The following HLA-DQA2 variants were observed in gnomAD, a reference collection of about 807,000 sequenced individuals.
The protein encoded by HLA-DQA2 is HLA class II histocompatibility antigen, DQ alpha 2 chain.
HLA-DQA2 carries 17 observed loss-of-function variants against 21.0 expected under a neutral mutation model. The ratio of observed to expected loss-of-function variants is 0.81; its 90% CI spans 0.56 to 1.22. The LOEUF is 1.22. HLA-DQA2 is among the 50% of genes most tolerant of loss of function. The probability of loss-of-function intolerance (pLI) is 0.00; values close to 1 mark genes in which losing one functional copy is unlikely to be tolerated. For missense variants in HLA-DQA2, 239 were observed against 308.8 expected (o/e 0.77, Z 1.69); for synonymous variants, 81 against 116.5 (o/e 0.70, Z 1.96).
chr6:32,745,896 C>T lies in HLA-DQA2; in HGVS notation c.437C>T (p.Thr146Ile), dbSNP rs755273163. ...ATCTTTCCTCCTGTGGTCAACATCA[C>T]CTGGCTGAGCAATGGGCACTCAGTC... ...DNIFPPVVNI[T>I]WLSNGHSVTE... Residue 146 changes from threonine (T) to isoleucine (I), a missense_variant, in exon 3 of 5, where the codon ACC becomes ATC. Thr to Ile is a moderately conservative substitution (Grantham distance 89). Transcript: ENST00000374940. 2 of 1,613,178 alleles carry T rather than the reference C, an allele frequency of 1.2e-6. No homozygotes were observed. The highest frequency in any genetic ancestry group is 1.7e-6 in the Non-Finnish European group (2 of 1,180,052).
In HLA-DQA2 at chr6:32,746,760, C is replaced by A; in HGVS notation, c.*199C>A. 2.1e-6 allele frequency: 1 copy of A among 478,338 alleles called. No homozygotes were observed. Among genetic ancestry groups the A allele is most frequent in the Non-Finnish European group, 4.0e-6 (1 of 251,656 alleles). 29.6% of individuals were successfully genotyped at this position (478,338 alleles called of 1,614,324 possible). On this transcript the variant is annotated 3_prime_UTR_variant, in exon 5 of 5. Coordinates refer to ENST00000374940, the MANE Select transcript of HLA-DQA2 (RefSeq NM_020056.5). ...AAATGCCTTTCAATTCTTTCCCTGA[C>A]CTCCTTTCCTGAATTTTTTTATTTT...
In HLA-DQA2 at chr6:32,746,908, T is replaced by TC; in HGVS notation, c.*350dup. 2.9e-6 allele frequency: 1 copy of TC among 340,306 alleles called. No homozygotes were observed. The highest frequency in any genetic ancestry group is 4.7e-4 in the Middle Eastern group (1 of 2,122). The allele number at this position is 340,306 out of a possible 1,614,324, so 21.1% of individuals were successfully genotyped here. Reference sequence around the variant, plus strand: ...CCTTTTGATGCCTCTATTGAATTTTTCCCATCTTTCATCTCAGGGCTGACT... The same window carrying TC: ...CCTTTTGATGCCTCTATTGAATTTTTCCCCATCTTTCATCTCAGGGCTGACT... On this transcript the variant is annotated 3_prime_UTR_variant, in exon 5 of 5. Coordinates refer to ENST00000374940, the MANE Select transcript of HLA-DQA2 (RefSeq NM_020056.5).
chr6:32,745,137 G>A (rs1375430624), intron 1 of HLA-DQA2, 22 bp from the exon 2 acceptor site: 1 of 1,609,584 alleles, frequency 6.2e-7, no homozygotes, highest in East Asian at 2.2e-5. Context: ...CCACCCTCCT[G>A]CTTGTCACCT....
intron 4 of HLA-DQA2, 66 bp from the exon 5 acceptor site, chr6:32,746,516 G>A (rs1763609873): frequency 1.5e-6 from 2 of 1,358,746 alleles, no homozygotes; most frequent in Non-Finnish European, 2.1e-6. Flanking sequence ...GGCGAATTGG[G>A]AAGTGGCATG....
chr6:32,745,478 C>A, intron 2 of HLA-DQA2, 71 bp downstream of exon 2: 2 of 1,495,446 alleles, frequency 1.3e-6, no homozygotes, highest in South Asian at 2.3e-5. Context: ...CCCTTCTTCT[C>A]AAGAGATTTC....
intron 1 of HLA-DQA2, among the ~76,000 whole-genome samples, chr6:32,744,939 C>T (rs1164706651): frequency 2.0e-5 from 3 of 151,908 alleles, no homozygotes; most frequent in Non-Finnish European, 4.4e-5. Flanking sequence ...TGACGTTCTG[C>T]CTTTGTGGAG....
At position 32,745,322 on chromosome 6, in the gene HLA-DQA2, G is replaced by C. The variant is rs9469266; in HGVS notation, c.246G>C (p.Pro82=). ...PMFSKFISFD[P]QSALRNMAVG... ...TTAGCAAATTTATAAGTTTTGACCC[G>C]CAGAGTGCACTGAGAAATATGGCTG... is the stretch of plus-strand genomic sequence containing the variant. Residue 82 remains proline (P), a synonymous_variant, in exon 2 of 5, where the codon CCG becomes CCC. Transcript: ENST00000374940. 1 of 1,586,270 alleles carries C rather than the reference G, an allele frequency of 6.3e-7. No individual in the cohort carries two copies. The highest frequency in any genetic ancestry group is 8.6e-7 in the Non-Finnish European group (1 of 1,164,554).
In HLA-DQA2 at chr6:32,746,843, A is replaced by C; in HGVS notation, c.*282A>C. 2.8e-6 allele frequency: 1 copy of C among 358,458 alleles called. No individual in the cohort carries two copies. Among genetic ancestry groups the C allele is most frequent in the South Asian group, 2.3e-5 (1 of 44,194 alleles). The allele number at this position is 358,458 out of a possible 1,614,324, so 22.2% of individuals were successfully genotyped here. A position where few individuals can be genotyped will look rare whatever the true frequency, so the allele number is the denominator to read the frequency against. On this transcript the variant is annotated 3_prime_UTR_variant, in exon 5 of 5. Coordinates refer to ENST00000374940, the MANE Select transcript of HLA-DQA2 (RefSeq NM_020056.5). ...AAGCCACTCAGCTACCTAATTCCTC[A>C]ATGACCTTTATCTAAAATCTCCATG...
chr6:32,745,442 A>G, intron 2 of HLA-DQA2, 35 bp downstream of exon 2: 2 of 1,577,396 alleles, frequency 1.3e-6, no homozygotes, highest in Non-Finnish European at 1.7e-6. Flanking sequence ...CTTTACTGAA[A>G]CTAATCTTTC....
chr6:32,742,855 T>C (rs1424361636), intron 1 of HLA-DQA2, among the ~76,000 whole-genome samples: 1 of 143,652 alleles, frequency 7.0e-6, no homozygotes, highest in Non-Finnish European at 1.5e-5. Flanking sequence ...TTACAGTCTA[T>C]GAAAATGTTT....
chr6:32,743,116 C>T (rs1293346211), intron 1 of HLA-DQA2, among the ~76,000 whole-genome samples: 6 of 125,000 alleles, frequency 4.8e-5, no homozygotes, highest in Admixed American at 9.1e-5. Context: ...CCGCCCGTCT[C>T]AACCTCCCAA....
Position 32,741,477 on chromosome 6 carries a change from C to T in HLA-DQA2, c.34C>T (p.Leu12Phe). 1 of 1,614,058 alleles carries T rather than the reference C, an allele frequency of 6.2e-7. No homozygotes were observed. The highest frequency in any genetic ancestry group is 8.5e-7 in the Non-Finnish European group (1 of 1,180,022). The stretch of plus-strand genomic sequence containing the variant: ...AAACAAAGCTCTGCTGCTGGGGGCC[C>T]TCGCCCTGACTGCCGTGATGAGCCC... ...ILNKALLLGA[L>F]ALTAVMSPCG... Residue 12 changes from leucine to phenylalanine, a missense_variant, in exon 1 of 5, where the codon CTC becomes TTC. Coordinates refer to ENST00000374940, the MANE Select transcript of HLA-DQA2 (RefSeq NM_020056.5).
At position 32,746,265 on chromosome 6, in the gene HLA-DQA2, A is replaced by G. The variant is rs1373025373; in HGVS notation, c.639A>G (p.Ser213=). 1 of 1,613,088 alleles carries G rather than the reference A, an allele frequency of 6.2e-7. No individual in the cohort carries two copies. Among genetic ancestry groups the G allele is most frequent in the South Asian group, 1.1e-5 (1 of 91,080 alleles). ...AGCCTGAGATTCCAGCCCCTATGTC[A>G]GAGCTCACAGAGACTTTGGTCTGCG... ...HWEPEIPAPM[S]ELTETLVCAL... The change falls in exon 4 of 5, where the codon TCA becomes TCG. Residue 213 remains serine (S), a synonymous_variant. Coordinates refer to ENST00000374940, the MANE Select transcript of HLA-DQA2 (RefSeq NM_020056.5).
intron 1 of HLA-DQA2, among the ~76,000 whole-genome samples, chr6:32,743,505 A>G (rs1042758879): frequency 2.0e-5 from 3 of 152,208 alleles, no homozygotes; most frequent in African/African-American, 7.2e-5. Flanking sequence ...TGGAAACAGT[A>G]TGGGGCACAG....
chr6:32,746,611 T>A lies in HLA-DQA2; in HGVS notation c.*50T>A, dbSNP rs1043622940. The A allele has an allele frequency of 9.8e-6, 7 of 714,878 alleles. No homozygotes were observed. In the African/African-American group the frequency reaches 1.2e-4, roughly 12 times the overall value. The allele number at this position is 714,878 out of a possible 1,614,324, so 44.3% of individuals were successfully genotyped here. ...ATCACCATCTACAGGAGAAGAAGAA[T>A]GGACTTGCTAAATGACCTAGCACTA... On this transcript the variant is annotated 3_prime_UTR_variant, in exon 5 of 5. Coordinates refer to ENST00000374940, the MANE Select transcript of HLA-DQA2 (RefSeq NM_020056.5).
intron 1 of HLA-DQA2, among the ~76,000 whole-genome samples, chr6:32,744,128 C>G (rs1464797618): frequency 2.6e-5 from 4 of 152,184 alleles, no homozygotes; most frequent in African/African-American, 9.7e-5. Context: ...GATTCTCCCA[C>G]TATTCAGTTC....
Position 32,745,156 on chromosome 6 carries a change from C to T in HLA-DQA2, c.83-3C>T. 1 of 1,613,156 alleles carries T rather than the reference C, an allele frequency of 6.2e-7. No individual in the cohort carries two copies. The highest frequency in any genetic ancestry group is 1.3e-5 in the African/African-American group (1 of 74,994). On this transcript the variant is annotated splice_polypyrimidine_tract_variant and splice_region_variant and intron_variant, in intron 1 of 4. Coordinates refer to ENST00000374940, the MANE Select transcript of HLA-DQA2 (RefSeq NM_020056.5). Reference sequence around the variant, plus strand: ...CCTCCTGCTTGTCACCTTCACTCGTCAGCTGACCATGTTGCCTCCTATGGT... The same window carrying T: ...CCTCCTGCTTGTCACCTTCACTCGTTAGCTGACCATGTTGCCTCCTATGGT...
chr6:32,744,427 G>GAAAAA (rs9282267), intron 1 of HLA-DQA2, among the ~76,000 whole-genome samples: 1 of 147,682 alleles, frequency 6.8e-6, no homozygotes, highest in Non-Finnish European at 1.5e-5. Context: ...TCCTTCAGAG[G>GAAAAA]AAAAAAAAAA....
At position 32,745,412 on chromosome 6, in the gene HLA-DQA2, G is replaced by A. The variant is rs1419113523; in HGVS notation, c.331+5G>A. ...ACTCTACCGCTGCCACCAATGGTAC[G>A]TGTCCACCATTCCGCCTCTCTTTAC... On this transcript the variant is annotated splice_donor_5th_base_variant and intron_variant, in intron 2 of 4. Coordinates refer to ENST00000374940, the MANE Select transcript of HLA-DQA2 (RefSeq NM_020056.5). 2.5e-6 allele frequency: 4 copies of A among 1,608,992 alleles called. No homozygotes were observed. The African/African-American group carries it at 4.1e-5, about 16-fold the overall frequency.
Sources: gnomAD v4.1 joint callset for allele counts (sites outside exome capture counted in the v4.1 genomes callset) on GRCh38, gnomAD v4.1.1 for gene constraint, MANE v1.5 for transcripts, NCBI Gene and HGNC (gene_info 2026-07-23, HGNC 2026-07-21) for gene names.